ARHGAP39: variants seen among roughly 807,000 people sequenced by gnomAD.
ARHGAP39 encodes the protein rho GTPase-activating protein 39.
A neutral mutation model predicts 106.9 loss-of-function variants in ARHGAP39; 44 were observed. The ratio of observed to expected loss-of-function variants is 0.41; its 90% CI spans 0.32 to 0.53. The LOEUF (loss-of-function observed/expected upper bound fraction) is 0.53. Ranked by LOEUF, ARHGAP39 falls within the 20% of genes least tolerant of loss-of-function variation. The probability of loss-of-function intolerance (pLI) is 0.21; values close to 1 mark genes in which losing one functional copy is unlikely to be tolerated. For missense variants in ARHGAP39, 1,496 were observed against 1,577.3 expected (o/e 0.95, Z 0.87); for synonymous variants, 768 against 693.2 (o/e 1.11, Z -1.69).
chr8:144,578,644 T>TG (rs1451894914), intron 3 of ARHGAP39, among the ~76,000 whole-genome samples: 1 of 152,088 alleles, frequency 6.6e-6, no homozygotes, highest in East Asian at 1.9e-4. Flanking sequence ...GCTCAGGAGT[T>TG]GGAGACCAGC....
At chr8:144,629,539 G>C (rs1821010698) in intron 1 of ARHGAP39, among the ~76,000 whole-genome samples, 1 of 152,244 alleles carries the variant, frequency 6.6e-6, no homozygotes, top group Non-Finnish European at 1.5e-5. Context: ...CTACCCAAAA[G>C]CAAGTGTGGT....
rs1820618885 is a variant in ARHGAP39 at position 144,615,754 on chromosome 8, C to T, written c.-81-10059G>A. 2.6e-5 allele frequency among the ~76,000 whole-genome samples: 4 copies of T among 152,264 alleles called. No homozygotes were observed. In the South Asian group the frequency reaches 8.3e-4, roughly 31 times the overall value. On this transcript the variant is annotated intron_variant, in intron 1 of 11. Transcript: ENST00000377307. ...TCTGAACAATGAACCCAGTCTCATG[C>T]TCTGAAAGCTCGGCTGTGAGCTGGA...
At chr8:144,638,366 C>T (rs570985435) in intron 1 of ARHGAP39, among the ~76,000 whole-genome samples, 5 of 152,344 alleles carry the variant, frequency 3.3e-5, no homozygotes, top group East Asian at 1.9e-4. Flanking sequence ...AAATATACTG[C>T]GTTTCCATTA....
chr8:144,537,747 G>A lies in ARHGAP39; in HGVS notation c.2588C>T (p.Pro863Leu). 1.9e-6 allele frequency: 3 copies of A among 1,614,076 alleles called. No individual in the cohort carries two copies. Among genetic ancestry groups the A allele is most frequent in the Non-Finnish European group, 2.5e-6 (3 of 1,179,948 alleles). ...TKKKSKLRKK[P>L]KPYVEEPDGV... Reference sequence around the variant, plus strand: ...ATCCGGCTCTTCAACATAAGGCTTGGGTTTCTTTCTCAATTTGGACTTCTT... The same window carrying A: ...ATCCGGCTCTTCAACATAAGGCTTGAGTTTCTTTCTCAATTTGGACTTCTT... The change falls in exon 7 of 12, where the codon CCC (proline) becomes CTC (leucine). Residue 863 changes from proline (P) to leucine (L), a missense_variant. Physicochemically the swap from Pro to Leu is moderately conservative, Grantham distance 98. Coordinates refer to ENST00000377307, the MANE Select transcript of ARHGAP39 (RefSeq NM_025251.3).
intron 1 of ARHGAP39, among the ~76,000 whole-genome samples, chr8:144,624,163 G>T (rs1820878501): frequency 6.6e-6 from 1 of 152,214 alleles, no homozygotes; most frequent in Admixed American, 6.5e-5. Context: ...GGTCGGCCCT[G>T]TAAGCCACAC....
Position 144,604,356 on chromosome 8 carries a change from C to T in ARHGAP39, c.80+1179G>A, listed in dbSNP as rs1820204088. ...TTCTCCTGAAAAACTGTCAGACAAA[C>T]CCAAACCAAGGAACTCTCTATTTTA... On this transcript the variant is annotated intron_variant, in intron 2 of 11. Transcript: ENST00000377307. This position sits in a 1 kb window ranked among gnomAD's most constrained non-coding sequence, Gnocchi z 4.1. Among the ~76,000 whole-genome samples, 1 of 152,132 alleles carries T rather than the reference C, an allele frequency of 6.6e-6. No homozygotes were observed. Among genetic ancestry groups the T allele is most frequent in the Non-Finnish European group, 1.5e-5 (1 of 68,022 alleles).
At chr8:144,681,924 T>C (rs1822430190) in intron 1 of ARHGAP39, among the ~76,000 whole-genome samples, 1 of 152,150 alleles carries the variant, frequency 6.6e-6, no homozygotes, top group South Asian at 2.1e-4. Context: ...AGGAGGACCA[T>C]CTCCTTGAGA....
At chr8:144,608,156 C>CAAAAAAAAAAAAAAAAAAAA (rs60966946) in intron 1 of ARHGAP39, among the ~76,000 whole-genome samples, 1 of 96,336 alleles carries the variant, frequency 1.0e-5, no homozygotes. Flanking sequence ...GACTCTGTCT[C>CAAAAAAAAAAAAAAAAAAAA]AAAAAAAAAA....
At chr8:144,623,367 C>T (rs1479101884) in intron 1 of ARHGAP39, among the ~76,000 whole-genome samples, 1 of 152,154 alleles carries the variant, frequency 6.6e-6, no homozygotes, top group African/African-American at 2.4e-5. Context: ...GACCAATAGT[C>T]TAGTTAAGAC....
At chr8:144,683,731 A>G (rs1822492018) in intron 1 of ARHGAP39, among the ~76,000 whole-genome samples, 1 of 152,108 alleles carries the variant, frequency 6.6e-6, no homozygotes, top group South Asian at 2.1e-4. Flanking sequence ...ACCTTTATAA[A>G]CATGTGTTCA....
chr8:144,580,799 C>A lies in ARHGAP39; in HGVS notation c.512+47G>T, dbSNP rs1818948303. 4 of 1,449,816 alleles carry A rather than the reference C, an allele frequency of 2.8e-6. No individual in the cohort carries two copies. In the South Asian group the frequency reaches 5.7e-5, roughly 21 times the overall value. The allele number at this position is 1,449,816 out of a possible 1,614,324, so 89.8% of individuals were successfully genotyped here. On this transcript the variant is annotated intron_variant, in intron 3 of 11. Transcript: ENST00000377307. ...CCTACCTGCCTCACCTGGCCCCGCC[C>A]ACTCCATTCACCTGGCCCCGCCCAT...
chr8:144,529,387 G>C lies in ARHGAP39; in HGVS notation c.*1035C>G, dbSNP rs1816555309. 1 of 152,580 alleles carries C rather than the reference G, an allele frequency of 6.6e-6. No individual in the cohort carries two copies. The highest frequency in any genetic ancestry group is 2.4e-5 in the African/African-American group (1 of 41,390). 9.5% of individuals were successfully genotyped at this position (152,580 alleles called of 1,614,324 possible). A position where few individuals can be genotyped will look rare whatever the true frequency, so the allele number is the denominator to read the frequency against. Reference sequence around the variant, plus strand: ...TATATAAAAACTGGGGAGAAATTAAGTTTTACAACAATTGGAACTCAAAAT... The same window carrying C: ...TATATAAAAACTGGGGAGAAATTAACTTTTACAACAATTGGAACTCAAAAT... On this transcript the variant is annotated 3_prime_UTR_variant, in exon 12 of 12. Coordinates refer to ENST00000377307, the MANE Select transcript of ARHGAP39 (RefSeq NM_025251.3).
chr8:144,561,963 C>CAT, intron 3 of ARHGAP39, among the ~76,000 whole-genome samples: 1 of 151,382 alleles, frequency 6.6e-6, no homozygotes, highest in Non-Finnish European at 1.5e-5. Context: ...TTCCATCGGA[C>CAT]TCCAGTGGTT....
intron 1 of ARHGAP39, among the ~76,000 whole-genome samples, chr8:144,607,515 G>A (rs772033057): frequency 2.4e-4 from 37 of 152,226 alleles, no homozygotes; most frequent in Non-Finnish European, 4.6e-4. Flanking sequence ...CTGCTGTGGT[G>A]GGCACCTGTC....
At chr8:144,616,745 G>A (rs971736264) in intron 1 of ARHGAP39, among the ~76,000 whole-genome samples, 1 of 152,262 alleles carries the variant, frequency 6.6e-6, no homozygotes, top group African/African-American at 2.4e-5. Context: ...GTCCCACGAA[G>A]GACGGCGAGT....
intron 2 of ARHGAP39, among the ~76,000 whole-genome samples, chr8:144,601,793 T>C (rs1216357289): frequency 4.0e-5 from 5 of 125,682 alleles, no homozygotes; most frequent in African/African-American, 1.3e-4. Flanking sequence ...GCGTGTGTGC[T>C]AATGTACCTG....
intron 4 of ARHGAP39, among the ~76,000 whole-genome samples, chr8:144,549,348 C>T (rs1296937830): frequency 6.6e-6 from 1 of 152,278 alleles, no homozygotes; most frequent in East Asian, 1.9e-4. Context: ...CTGGAGGCCA[C>T]TCGGGTATGG....
intron 7 of ARHGAP39, among the ~76,000 whole-genome samples, chr8:144,534,508 C>G (rs1016189371): frequency 6.6e-6 from 1 of 152,184 alleles, no homozygotes; most frequent in African/African-American, 2.4e-5. Flanking sequence ...GGCCTCTAGA[C>G]CCCACTGCTC....
intron 1 of ARHGAP39, among the ~76,000 whole-genome samples, chr8:144,635,727 A>G (rs1044381040): frequency 7.9e-5 from 12 of 152,014 alleles, no homozygotes; most frequent in African/African-American, 2.9e-4. Flanking sequence ...AGACTGAATT[A>G]GAGGGGGGCT....
Sources: allele counts gnomAD v4.1 joint callset (sites outside exome capture counted in the v4.1 genomes callset), GRCh38; gene constraint gnomAD v4.1.1; non-coding constraint Gnocchi (gnomAD v3.1); transcripts MANE v1.5; gene names NCBI Gene and HGNC (gene_info 2026-07-23, HGNC 2026-07-21).